Variants in ZGRF1 observed in about 807,000 individuals in gnomAD.
ZGRF1 encodes the protein zinc finger GRF-type containing 1.
A neutral mutation model predicts 203.5 loss-of-function variants in ZGRF1; 196 were observed. The ratio of observed to expected loss-of-function variants is 0.96; its 90% CI spans 0.86 to 1.08. The LOEUF is 1.08. Ranked by LOEUF, ZGRF1 falls within the 50% of genes least tolerant of loss-of-function variation. ZGRF1 has a pLI of 0.00. For synonymous variants in ZGRF1, 809 were observed against 841.3 expected, an observed-to-expected ratio of 0.96 and a Z score of 0.66; for missense variants, 2,326 against 2,416.3, an observed-to-expected ratio of 0.96 and a Z score of 0.78.
rs747460610 is a variant in ZGRF1 at position 112,584,180 on chromosome 4, G to C, written c.4102-6C>G. Reference sequence around the variant, plus strand: ...CATGTATAAAAGAGACGACCCTAAGGGGAAAGAAAAAAGATCAACATTTAG... The same window carrying C: ...CATGTATAAAAGAGACGACCCTAAGCGGAAAGAAAAAAGATCAACATTTAG... On this transcript the variant is annotated splice_polypyrimidine_tract_variant and splice_region_variant and intron_variant, in intron 14 of 27. Transcript: ENST00000505019. The C allele has an allele frequency of 1.3e-6, 2 of 1,550,008 alleles. No homozygotes were observed. Among genetic ancestry groups the C allele is most frequent in the South Asian group, 2.4e-5 (2 of 82,236 alleles).
Position 112,610,480 on chromosome 4 carries a change from A to G in ZGRF1, c.2668-1051T>C, listed in dbSNP as rs534450959. On this transcript the variant is annotated intron_variant, in intron 7 of 27. Coordinates refer to ENST00000505019, the MANE Select transcript of ZGRF1 (RefSeq NM_018392.5). ...CAGCTACCCAGGAGGCTAAGGCAGG[A>G]GAATTGCTTGAACCCAGGAGGCAGA... 7.9e-5 allele frequency among the ~76,000 whole-genome samples: 12 copies of G among 152,222 alleles called. No individual in the cohort carries two copies. In the East Asian group the frequency reaches 2.3e-3, roughly 29 times the overall value.
intron 19 of ZGRF1, among the ~76,000 whole-genome samples, chr4:112,558,771 G>A (rs968940681): frequency 1.3e-5 from 2 of 152,208 alleles, no homozygotes; most frequent in African/African-American, 2.4e-5. Context: ...AAGCACAGGG[G>A]ATAAATAGAT....
intron 21 of ZGRF1, among the ~76,000 whole-genome samples, chr4:112,554,378 A>C (rs1377851065): frequency 6.6e-6 from 1 of 152,114 alleles, no homozygotes; most frequent in Non-Finnish European, 1.5e-5. Flanking sequence ...AATCATGCAC[A>C]CGTATGTTTA....
At chr4:112,597,945 A>G (rs1472550282) in intron 10 of ZGRF1, among the ~76,000 whole-genome samples, 1 of 151,812 alleles carries the variant, frequency 6.6e-6, no homozygotes, top group Non-Finnish European at 1.5e-5. Context: ...GATCATATCC[A>G]AATTCTACAC....
In ZGRF1 at chr4:112,618,258, A is replaced by T. The variant is rs190824365; in HGVS notation, c.1784T>A (p.Val595Asp). 325 of 1,613,952 alleles carry T rather than the reference A, an allele frequency of 2.0e-4. 6 individuals carry two copies. The South Asian group carries it at 3.4e-3, about 17-fold the overall frequency. ...AAATGTCACTGTAGGTTTGTCACTA[A>T]CAGATGTTAAGAATGGCAAATGTTC... ...EGEHLPFLTS[V>D]SDKPTVTFPV... The change falls in exon 6 of 28, where the codon GTT (valine) becomes GAT (aspartate). Residue 595 changes from valine to aspartate, a missense_variant. Val to Asp is a radical substitution (Grantham distance 152). Coordinates refer to ENST00000505019, the MANE Select transcript of ZGRF1 (RefSeq NM_018392.5).
intron 8 of ZGRF1, among the ~76,000 whole-genome samples, chr4:112,609,102 G>T (rs1306199260): frequency 6.6e-6 from 1 of 150,902 alleles, no homozygotes; most frequent in Non-Finnish European, 1.5e-5. Context: ...CACCCAGGCT[G>T]GAGTGCAGTG....
intron 3 of ZGRF1, among the ~76,000 whole-genome samples, chr4:112,631,259 C>T (rs1323961223): frequency 6.6e-6 from 1 of 152,118 alleles, no homozygotes. Flanking sequence ...GCCTCAGCCT[C>T]CCAACGTGGT....
Position 112,560,851 on chromosome 4 carries a change from C to G in ZGRF1, c.4842G>C (p.Lys1614Asn), listed in dbSNP as rs142878529. 1.2e-6 allele frequency: 2 copies of G among 1,613,744 alleles called. No individual in the cohort carries two copies. Among genetic ancestry groups the G allele is most frequent in the East Asian group, 2.2e-5 (1 of 44,824 alleles). The change falls in exon 19 of 28, where the codon AAG becomes AAC. Residue 1614 changes from lysine to asparagine, a missense_variant. Lys to Asn is a moderately conservative substitution (Grantham distance 94). Coordinates refer to ENST00000505019, the MANE Select transcript of ZGRF1 (RefSeq NM_018392.5). Reference sequence around the variant, plus strand: ...GAGCTGTAGCTTGATCCTTGTTTAACTTGTGTACCTGAATCAACTCACTAG... The same window carrying G: ...GAGCTGTAGCTTGATCCTTGTTTAAGTTGTGTACCTGAATCAACTCACTAG... ...KLASELIQVH[K>N]LNKDQATALI... is the part of the protein sequence containing the mutation.
intron 4 of ZGRF1, among the ~76,000 whole-genome samples, 188 bp from the exon 5 acceptor site, chr4:112,620,378 C>T (rs1417040191): frequency 6.6e-6 from 1 of 152,096 alleles, no homozygotes; most frequent in Non-Finnish European, 1.5e-5. Context: ...CAAAAAAGGA[C>T]AATAATATAA....
At position 112,539,661 on chromosome 4, in the gene ZGRF1, G is replaced by A. The variant is rs1290523558; in HGVS notation, c.6201C>T (p.Asn2067=). Residue 2067 remains asparagine, a synonymous_variant, in exon 28 of 28, where the codon AAC becomes AAT. Coordinates refer to ENST00000505019, the MANE Select transcript of ZGRF1 (RefSeq NM_018392.5). ...EGREDGLQHA[N]QYEPQLNHLL... Reference sequence around the variant, plus strand: ...GATGGTTCAGCTGTGGTTCATACTGGTTTGCATGTTGCAATCCATCTTCCC... The same window carrying A: ...GATGGTTCAGCTGTGGTTCATACTGATTTGCATGTTGCAATCCATCTTCCC... 1 of 1,603,822 alleles carries A rather than the reference G, an allele frequency of 6.2e-7. No individual in the cohort carries two copies. Among genetic ancestry groups the A allele is most frequent in the Non-Finnish European group, 8.5e-7 (1 of 1,176,366 alleles).
At chr4:112,606,975 T>G (rs1160411733) in intron 8 of ZGRF1, among the ~76,000 whole-genome samples, 1 of 152,192 alleles carries the variant, frequency 6.6e-6, no homozygotes, top group African/African-American at 2.4e-5. Context: ...TTAACAAATA[T>G]GAAGAAAAAA....
At chr4:112,596,107 GTTTC>G (rs1451287536) in intron 10 of ZGRF1, among the ~76,000 whole-genome samples, 1 of 152,148 alleles carries the variant, frequency 6.6e-6, no homozygotes, top group African/African-American at 2.4e-5. Context: ...ATGGACATAA[GTTTC>G]TTTTTCAATA....
At chr4:112,585,838 T>C in intron 13 of ZGRF1, 113 bp from the exon 14 acceptor site, 1 of 583,568 alleles carries the variant, frequency 1.7e-6, no homozygotes, top group Non-Finnish European at 2.6e-6. Context: ...AGTCATATAA[T>C]AGGAATATCC....
intron 15 of ZGRF1, among the ~76,000 whole-genome samples, chr4:112,582,460 CT>C (rs900594460): frequency 1.7e-3 from 256 of 150,572 alleles, no homozygotes; most frequent in African/African-American, 6.0e-3. Flanking sequence ...TGGCTTTTTC[CT>C]TTTTTTTTGA....
chr4:112,635,184 G>T (rs190367471), intron 1 of ZGRF1, among the ~76,000 whole-genome samples: 4 of 150,030 alleles, frequency 2.7e-5, no homozygotes, highest in African/African-American at 9.9e-5. Flanking sequence ...CCTCCCCTCC[G>T]GCGTACATAA....
intron 1 of ZGRF1, among the ~76,000 whole-genome samples, chr4:112,635,842 A>G (rs1399436481): frequency 6.6e-6 from 1 of 151,916 alleles, no homozygotes; most frequent in Non-Finnish European, 1.5e-5. Context: ...GCTATTTCAC[A>G]ATTGCAAGAT....
chr4:112,635,871 C>A (rs2047601986), intron 1 of ZGRF1, among the ~76,000 whole-genome samples: 1 of 151,158 alleles, frequency 6.6e-6, no homozygotes. Flanking sequence ...CATTATTTTC[C>A]TAAATTGAGA....
chr4:112,540,267 T>G, intron 26 of ZGRF1, 143 bp from the exon 27 acceptor site: 1 of 506,552 alleles, frequency 2.0e-6, no homozygotes, highest in Non-Finnish European at 3.2e-6. Context: ...CTTGGCTAGT[T>G]TCTAAAATGA....
chr4:112,563,033 C>T, intron 17 of ZGRF1, 98 bp downstream of exon 17: 1 of 963,150 alleles, frequency 1.0e-6, no homozygotes, highest in East Asian at 2.6e-5. Context: ...ACAGTCGAAA[C>T]TAGAGTTGGG....
Sources: allele counts gnomAD v4.1 joint callset (sites outside exome capture counted in the v4.1 genomes callset), GRCh38; gene constraint gnomAD v4.1.1; transcripts MANE v1.5; gene names NCBI Gene and HGNC (gene_info 2026-07-23, HGNC 2026-07-21).